The following RYR1 variants were observed in gnomAD, a reference collection of about 807,000 sequenced individuals.
RYR1 encodes the protein ryanodine receptor 1.
A neutral mutation model predicts 583.5 loss-of-function variants in RYR1; 342 were observed. The observed-to-expected ratio is 0.59, with a 90% confidence interval of 0.54 to 0.64. The LOEUF (loss-of-function observed/expected upper bound fraction) is 0.64. RYR1 is among the 30% of genes least tolerant of loss of function. The pLI is 0.00. For synonymous variants in RYR1, 2,791 were observed against 2,822.5 expected, an observed-to-expected ratio of 0.99 and a Z score of 0.35; for missense variants, 6,032 against 6,917.2, an observed-to-expected ratio of 0.87 and a Z score of 4.54.
chr19:38,556,328 A>G (rs559295681), intron 89 of RYR1, among the ~76,000 whole-genome samples: 17 of 151,994 alleles, frequency 1.1e-4, no homozygotes, highest in African/African-American at 3.4e-4. Context: ...TAAAAACTTT[A>G]AAAAATAACC....
At chr19:38,450,657 G>A (rs1600661935) in intron 11 of RYR1, among the ~76,000 whole-genome samples, 2 of 152,230 alleles carry the variant, frequency 1.3e-5, no homozygotes, top group East Asian at 3.9e-4. Flanking sequence ...GACCAGTTGT[G>A]CCATTTGCAT....
At chr19:38,479,447 C>T (rs1968903926) in intron 31 of RYR1, among the ~76,000 whole-genome samples, 1 of 151,858 alleles carries the variant, frequency 6.6e-6, no homozygotes. Flanking sequence ...TCACTCTGTC[C>T]CCCAGGCTGG....
chr19:38,570,715 G>A (rs1053596024), intron 94 of RYR1, 22 bp downstream of exon 94: 1 of 1,592,244 alleles, frequency 6.3e-7, no homozygotes, highest in East Asian at 2.2e-5. Context: ...GAAGGGCTGG[G>A]AGGGTCAGGC....
At chr19:38,571,933 A>G (rs1973732506) in intron 94 of RYR1, 86 bp from the exon 95 acceptor site, 6 of 1,582,560 alleles carry the variant, frequency 3.8e-6, no homozygotes, top group Non-Finnish European at 5.2e-6. Flanking sequence ...GTATGGTCCC[A>G]GTCCAATCTC....
intron 42 of RYR1, among the ~76,000 whole-genome samples, chr19:38,497,245 G>T (rs1217872423): frequency 6.6e-6 from 1 of 150,466 alleles, no homozygotes; most frequent in African/African-American, 2.5e-5. Flanking sequence ...CAGGCTGGGG[G>T]CGGATCCGCA....
intron 83 of RYR1, 106 bp downstream of exon 83, chr19:38,536,873 G>T (rs1600967346): frequency 7.9e-7 from 1 of 1,259,400 alleles, no homozygotes; most frequent in South Asian, 1.2e-5. Context: ...GGAGGGGAGG[G>T]AGGGACCCTT....
intron 1 of RYR1, among the ~76,000 whole-genome samples, chr19:38,434,785 A>AC (rs1972351850): frequency 6.6e-6 from 1 of 151,724 alleles, no homozygotes; most frequent in Non-Finnish European, 1.5e-5. Context: ...ATGGGAGGGG[A>AC]CGTCCTCTCC....
intron 90 of RYR1, among the ~76,000 whole-genome samples, chr19:38,563,668 C>T (rs1433259501): frequency 1.3e-5 from 2 of 152,160 alleles, no homozygotes; most frequent in African/African-American, 2.4e-5. Flanking sequence ...CCTATTATGC[C>T]CATTTTACAG....
At chr19:38,517,287 G>A (rs1208397160) in intron 65 of RYR1, 72 bp from the exon 66 acceptor site, 2 of 1,480,338 alleles carry the variant, frequency 1.4e-6, no homozygotes, top group African/African-American at 2.8e-5. Context: ...CTGATGTATT[G>A]CGGGGGAGGC....
intron 101 of RYR1, among the ~76,000 whole-genome samples, chr19:38,581,666 T>C (rs953584965): frequency 5.3e-5 from 8 of 152,154 alleles, no homozygotes; most frequent in Non-Finnish European, 1.0e-4. Context: ...TGACATGACC[T>C]CAGCTTACTG....
intron 89 of RYR1, among the ~76,000 whole-genome samples, chr19:38,556,730 C>CT (rs1972894060): frequency 6.6e-6 from 1 of 152,036 alleles, no homozygotes. Flanking sequence ...ATTTTTCATT[C>CT]TTTTTTCACA....
chr19:38,530,947 T>TGCATGCC (rs1172746936), intron 76 of RYR1, among the ~76,000 whole-genome samples: 1 of 151,352 alleles, frequency 6.6e-6, no homozygotes, highest in Non-Finnish European at 1.5e-5. Flanking sequence ...GGATTACAGG[T>TGCATGCC]GCATGCCACC....
chr19:38,494,371 G>A lies in RYR1; in HGVS notation c.6294G>A (p.Val2098=). The A allele has an allele frequency of 6.2e-7, 1 of 1,611,586 alleles. No homozygotes were observed. The highest frequency in any genetic ancestry group is 8.5e-7 in the Non-Finnish European group (1 of 1,179,948). ...TCCCAGGGTCCCTGCAGGAGCTGGT[G>A]TCCCACATGGTGGTGCGCTGGGCCC... ...ESKPRSLQEL[V]SHMVVRWAQE... Residue 2098 remains valine (V), a synonymous_variant, in exon 39 of 106, where the codon GTG becomes GTA. Coordinates refer to ENST00000359596, the MANE Select transcript of RYR1 (RefSeq NM_000540.3).
chr19:38,446,531 A>C lies in RYR1; in HGVS notation c.691A>C (p.Thr231Pro). Residue 231 changes from threonine to proline, a missense_variant, in exon 8 of 106, where the codon ACC becomes CCC. This residue lies in a region of RYR1 where 338 missense variants were observed against 441.6 expected (regional missense o/e 0.77). Transcript: ENST00000359596. ...TCATGGACATATGGATGAGTGTCTG[A>C]CCATTTCCCCTGCTGACAGTGATGA... ...LFHGHMDECL[T>P]ISPADSDDQR... The C allele has an allele frequency of 6.2e-7, 1 of 1,614,026 alleles. No homozygotes were observed.
chr19:38,505,197 C>G, intron 52 of RYR1, 112 bp from the exon 53 acceptor site: 1 of 1,204,180 alleles, frequency 8.3e-7, no homozygotes, highest in Non-Finnish European at 1.2e-6. Flanking sequence ...CCCTAAGACC[C>G]TTAGCTTGTT....
chr19:38,469,054 A>C lies in RYR1; in HGVS notation c.3470A>C (p.Asn1157Thr). The C allele has an allele frequency of 5.0e-6, 8 of 1,614,128 alleles. No individual in the cohort carries two copies. The highest frequency in any genetic ancestry group is 6.8e-6 in the Non-Finnish European group (8 of 1,180,022). The stretch of plus-strand genomic sequence containing the variant: ...GGCTGTATGATCGACCTCACAGAGA[A>C]CACCATTATCTTCACCCTCAATGGC... ...VVGCMIDLTE[N>T]TIIFTLNGEV... Residue 1157 changes from asparagine (N) to threonine (T), a missense_variant, in exon 26 of 106, where the codon AAC becomes ACC. Asn to Thr is a moderately conservative substitution (Grantham distance 65). Transcript: ENST00000359596.
rs59394799 is a variant in RYR1 at position 38,584,635 on chromosome 19, C to G, written c.14647-308C>G. ...GTGCCCCCCATCCCAGCCCTGACCCCTCTGCCTGTGCCCCCCTTATCCTGG... is the reference window on the plus strand; with the variant it reads ...GTGCCCCCCATCCCAGCCCTGACCCGTCTGCCTGTGCCCCCCTTATCCTGG... On this transcript the variant is annotated intron_variant, in intron 101 of 105. Coordinates refer to ENST00000359596, the MANE Select transcript of RYR1 (RefSeq NM_000540.3). Among the ~76,000 whole-genome samples, 636 of 99,074 alleles carry G rather than the reference C, an allele frequency of 6.4e-3. 26 individuals carry two copies. The highest frequency in any genetic ancestry group is 0.027 in the African/African-American group (603 of 22,742). The allele number at this position is 99,074 out of a possible 152,430, so 65.0% of individuals were successfully genotyped here. A position where few individuals can be genotyped will look rare whatever the true frequency, so the allele number is the denominator to read the frequency against.
chr19:38,508,854 G>A lies in RYR1; in HGVS notation c.8932+1027G>A, dbSNP rs541816419. The stretch of plus-strand genomic sequence containing the variant: ...GTTGGGGGCTGAGCCGAGGAGGGAC[G>A]TGATCCATAATTCTGGTGTTCACAG... On this transcript the variant is annotated intron_variant, in intron 58 of 105. Coordinates refer to ENST00000359596, the MANE Select transcript of RYR1 (RefSeq NM_000540.3). 1.8e-4 allele frequency among the ~76,000 whole-genome samples: 28 copies of A among 152,120 alleles called. No homozygotes were observed. The South Asian group carries it at 4.8e-3, about 26-fold the overall frequency.
At chr19:38,468,012 T>C in intron 25 of RYR1, 200 bp downstream of exon 25, 1 of 611,042 alleles carries the variant, frequency 1.6e-6, no homozygotes, top group Non-Finnish European at 2.9e-6. Flanking sequence ...CATCCATCTA[T>C]CCAACCAACA....
Sources: allele counts gnomAD v4.1 joint callset (sites outside exome capture counted in the v4.1 genomes callset), GRCh38; gene constraint gnomAD v4.1.1; regional missense constraint gnomAD v4.1.1; transcripts MANE v1.5; gene names NCBI Gene and HGNC (gene_info 2026-07-23, HGNC 2026-07-21).